The following FAM131A variants were observed in gnomAD, a reference collection of about 807,000 sequenced individuals.
FAM131A encodes the protein family with sequence similarity 131 member A, also known as protein FAM131A.
In FAM131A, 24 loss-of-function variants were observed where a neutral mutation model predicts 39.2. That is an observed-to-expected ratio of 0.61 (90% CI 0.44 to 0.86). The LOEUF (loss-of-function observed/expected upper bound fraction) is 0.86, where lower values mean the gene tolerates loss of function less well. Ranked by LOEUF, FAM131A falls within the 40% of genes least tolerant of loss-of-function variation. The probability of loss-of-function intolerance (pLI) is 0.00; values close to 1 mark genes in which losing one functional copy is unlikely to be tolerated. For synonymous variants in FAM131A, 202 were observed against 206.8 expected (o/e 0.98, Z 0.20); for missense variants, 373 against 481.2 (o/e 0.78, Z 2.10).
In FAM131A at chr3:184,344,745, C is replaced by T. The variant is rs757975379; in HGVS notation, c.876C>T (p.Ala292=). The T allele has an allele frequency of 1.2e-6, 2 of 1,612,354 alleles. No individual in the cohort carries two copies. Among genetic ancestry groups the T allele is most frequent in the Non-Finnish European group, 1.7e-6 (2 of 1,179,980 alleles). Residue 292 remains alanine (A), a synonymous_variant, in exon 6 of 6, where the codon GCC becomes GCT. Coordinates refer to ENST00000383847, the MANE Select transcript of FAM131A (RefSeq NM_144635.5). The part of the protein sequence containing the change: ...LAKLPPSRES[A]FRSLGPLEAQ... ...AACTGCCCCCCAGCCGGGAAAGTGC[C>T]TTCCGCAGCCTGGGCCCACTGGAGG...
rs1338929012 is a variant in FAM131A, at chr3:184,342,799, G to A, written c.564G>A (p.Val188=). 2.5e-6 allele frequency: 4 copies of A among 1,613,924 alleles called. No homozygotes were observed. The highest frequency in any genetic ancestry group is 3.4e-6 in the Non-Finnish European group (4 of 1,179,952). Residue 188 remains valine, a synonymous_variant, in exon 5 of 6, where the codon GTG becomes GTA. Coordinates refer to ENST00000383847, the MANE Select transcript of FAM131A (RefSeq NM_144635.5). This position sits in a 1 kb window ranked among gnomAD's most constrained non-coding sequence, Gnocchi z 4.6. ...AEAKLRAWSS[V]DGEDSTDDSY... is the part of the protein sequence containing the mutation. Reference sequence around the variant, plus strand: ...CCAAGCTCCGAGCATGGTCTTCGGTGGATGGCGAGGACTCCACTGATGACT... The same window carrying A: ...CCAAGCTCCGAGCATGGTCTTCGGTAGATGGCGAGGACTCCACTGATGACT...
Position 184,342,782 on chromosome 3 carries a change from C to A in FAM131A, c.547C>A (p.Arg183=), listed in dbSNP as rs1409771321. The change falls in exon 5 of 6, where the codon CGA becomes AGA. Residue 183 remains arginine (R), a synonymous_variant. Transcript: ENST00000383847. The surrounding 1 kb of genome is among the most constrained non-coding windows in gnomAD (Gnocchi z 4.6). The part of the protein sequence containing the change: ...EQFAIAEAKL[R]AWSSVDGEDS... ...GTTTGCCATCGCGGAAGCCAAGCTC[C>A]GAGCATGGTCTTCGGTGGATGGCGA... 1 of 1,613,834 alleles carries A rather than the reference C, an allele frequency of 6.2e-7. No individual in the cohort carries two copies. Among genetic ancestry groups the A allele is most frequent in the Admixed American group, 1.7e-5 (1 of 60,026 alleles).
Position 184,345,437 on chromosome 3 carries a change from TGGAGG to T in FAM131A, c.*470_*474del. The T allele has an allele frequency of 1.5e-6, 1 of 682,132 alleles. No homozygotes were observed. 42.3% of individuals were successfully genotyped at this position (682,132 alleles called of 1,614,324 possible). On this transcript the variant is annotated 3_prime_UTR_variant, in exon 6 of 6. Transcript: ENST00000383847. ...AGTGCTTGATAGAATCACCCCCACCTGGAGGGGCTGGCTCCTGCCCTCCCGGAGCC... is the reference window on the plus strand; with the variant it reads ...AGTGCTTGATAGAATCACCCCCACCTGGCTGGCTCCTGCCCTCCCGGAGCC...
chr3:184,338,614 G>C (rs1727225170), intron 2 of FAM131A, 85 bp downstream of exon 2: 1 of 1,484,848 alleles, frequency 6.7e-7, no homozygotes, highest in Non-Finnish European at 8.9e-7. Flanking sequence ...TGGCCAGCCA[G>C]CTTCTGGCTC....
Position 184,344,777 on chromosome 3 carries a change from A to G in FAM131A, c.908A>G (p.Asp303Gly), listed in dbSNP as rs1448984168. 3 of 1,612,222 alleles carry G rather than the reference A, an allele frequency of 1.9e-6. No individual in the cohort carries two copies. The highest frequency in any genetic ancestry group is 2.5e-6 in the Non-Finnish European group (3 of 1,179,906). The change falls in exon 6 of 6, where the codon GAC becomes GGC. Residue 303 changes from aspartate to glycine, a missense_variant. Asp to Gly is a moderately conservative substitution (Grantham distance 94). Coordinates refer to ENST00000383847, the MANE Select transcript of FAM131A (RefSeq NM_144635.5). ...FRSLGPLEAQ[D>G]SLYNSPLTES... ...AGCCTGGGCCCACTGGAGGCCCAGG[A>G]CTCACTCTACAACTCGCCCCTCACA...
chr3:184,338,502 C>T lies in FAM131A; in HGVS notation c.204C>T (p.Ser68=), dbSNP rs548260057. Residue 68 remains serine, a synonymous_variant, in exon 2 of 6, where the codon TCC becomes TCT. Coordinates refer to ENST00000383847, the MANE Select transcript of FAM131A (RefSeq NM_144635.5). Reference sequence around the variant, plus strand: ...GCTGGAGCAGGTCCTCCCGCCCTTCCTCGGTGGACAGTCAGGACTTGCCAG... The same window carrying T: ...GCTGGAGCAGGTCCTCCCGCCCTTCTTCGGTGGACAGTCAGGACTTGCCAG... ...LRGWSRSSRP[S]SVDSQDLPEV... The T allele has an allele frequency of 1.3e-6, 2 of 1,536,462 alleles. No individual in the cohort carries two copies. The highest frequency in any genetic ancestry group is 2.5e-5 in the East Asian group (1 of 40,770).
At chr3:184,338,684 G>T in intron 2 of FAM131A, 155 bp downstream of exon 2, 1 of 944,404 alleles carries the variant, frequency 1.1e-6, no homozygotes, top group Non-Finnish European at 1.5e-6. Flanking sequence ...CCCCGTGCCG[G>T]TCTGCTCTGC....
At chr3:184,337,862 C>T in intron 1 of FAM131A, 144 bp downstream of exon 1, 1 of 745,658 alleles carries the variant, frequency 1.3e-6, no homozygotes, top group East Asian at 2.7e-5. Flanking sequence ...CCAGACAGGG[C>T]ATCAGGAAAC....
In FAM131A at chr3:184,338,499, T is replaced by C. The variant is rs751386185; in HGVS notation, c.201T>C (p.Pro67=). The C allele has an allele frequency of 6.5e-6, 10 of 1,536,064 alleles. No individual in the cohort carries two copies. The highest frequency in any genetic ancestry group is 1.4e-5 in the African/African-American group (1 of 72,906). ...TLRGWSRSSR[P]SSVDSQDLPE... ...GAGGCTGGAGCAGGTCCTCCCGCCC[T>C]TCCTCGGTGGACAGTCAGGACTTGC... is the stretch of plus-strand genomic sequence containing the variant. Residue 67 remains proline (P), a synonymous_variant, in exon 2 of 6, where the codon CCT becomes CCC. Coordinates refer to ENST00000383847, the MANE Select transcript of FAM131A (RefSeq NM_144635.5).
chr3:184,345,131 G>T lies in FAM131A; in HGVS notation c.*161G>T. On this transcript the variant is annotated 3_prime_UTR_variant, in exon 6 of 6. Coordinates refer to ENST00000383847, the MANE Select transcript of FAM131A (RefSeq NM_144635.5). ...TGTGTGTTTTGCATGAAAGTGTTTG[G>T]AGAGGAGGCAGGGGCTGGGCTGGGG... 1 of 760,982 alleles carries T rather than the reference G, an allele frequency of 1.3e-6. No individual in the cohort carries two copies. The allele number at this position is 760,982 out of a possible 1,614,324, so 47.1% of individuals were successfully genotyped here.
In FAM131A at chr3:184,345,644, C is replaced by T. The variant is rs200433845; in HGVS notation, c.*674C>T. On this transcript the variant is annotated 3_prime_UTR_variant, in exon 6 of 6. Transcript: ENST00000383847. ...GGCTTTGGAATGATGAAAGCATGTA[C>T]CCTCCACCCTTTTCCTGGCCCCCTA... 280 of 691,374 alleles carry T rather than the reference C, an allele frequency of 4.0e-4. No homozygotes were observed. The highest frequency in any genetic ancestry group is 6.0e-4 in the Non-Finnish European group (228 of 380,508). The allele number at this position is 691,374 out of a possible 1,614,324, so 42.8% of individuals were successfully genotyped here.
At position 184,338,440 on chromosome 3, in the gene FAM131A, T is replaced by C. The variant is rs1362020545; in HGVS notation, c.142T>C (p.Ser48Pro). The C allele has an allele frequency of 6.6e-7, 1 of 1,517,510 alleles. No homozygotes were observed. Among genetic ancestry groups the C allele is most frequent in the Non-Finnish European group, 8.8e-7 (1 of 1,138,672 alleles). The allele number at this position is 1,517,510 out of a possible 1,614,324, so 94.0% of individuals were successfully genotyped here. Residue 48 changes from serine to proline, a missense_variant, in exon 2 of 6, where the codon TCT becomes CCT. Transcript: ENST00000383847. Reference protein sequence around the residue: ...VEWIELPRGLSLSSLGSARTL... With the variant: ...VEWIELPRGLPLSSLGSARTL... ...GTGGATCGAACTTCCTCGGGGTCTCTCTCTATCCTCTTTGGGATCTGCTCG... is the reference window on the plus strand; with the variant it reads ...GTGGATCGAACTTCCTCGGGGTCTCCCTCTATCCTCTTTGGGATCTGCTCG...
Position 184,345,808 on chromosome 3 carries a change from G to A in FAM131A, c.*838G>A, listed in dbSNP as rs973862830. 8.9e-6 allele frequency: 5 copies of A among 561,572 alleles called. No individual in the cohort carries two copies. Among genetic ancestry groups the A allele is most frequent in the Non-Finnish European group, 9.4e-6 (3 of 320,114 alleles). The allele number at this position is 561,572 out of a possible 1,614,324, so 34.8% of individuals were successfully genotyped here. ...AAAGGATGGCTCTGGTTGCCACAGA[G>A]CTGGGACTTCATGTTCTTCTAGAGA... On this transcript the variant is annotated 3_prime_UTR_variant, in exon 6 of 6. Transcript: ENST00000383847.
chr3:184,341,927 C>G, intron 3 of FAM131A, 110 bp downstream of exon 3: 3 of 1,502,248 alleles, frequency 2.0e-6, no homozygotes, highest in Non-Finnish European at 2.8e-6. Context: ...CCTTTCTTCC[C>G]TTGCTCAGGT....
chr3:184,338,554 G>A (rs1398936513), intron 2 of FAM131A, 25 bp downstream of exon 2: 1 of 1,534,798 alleles, frequency 6.5e-7, no homozygotes, highest in South Asian at 1.2e-5. Flanking sequence ...GTGGTGGGGG[G>A]AAGGAGGACG....
intron 2 of FAM131A, chr3:184,340,861 A>AG (rs1405157757): frequency 6.6e-6 from 1 of 152,298 alleles, no homozygotes; most frequent in Non-Finnish European, 1.5e-5. Flanking sequence ...GACTACCAAG[A>AG]GGGGGGCCAG....
Position 184,342,723 on chromosome 3 carries a change from T to A in FAM131A, c.509-21T>A. The A allele has an allele frequency of 6.2e-7, 1 of 1,604,006 alleles. No homozygotes were observed. Among genetic ancestry groups the A allele is most frequent in the Non-Finnish European group, 8.5e-7 (1 of 1,171,822 alleles). ...AGACTTAGCTCACCTTCTCTGCTTA[T>A]GCATTCTGTCCCTGCGACAGGAGTG... On this transcript the variant is annotated intron_variant, in intron 4 of 5. Transcript: ENST00000383847. The surrounding 1 kb of genome is among the most constrained non-coding windows in gnomAD (Gnocchi z 4.6).
intron 2 of FAM131A, chr3:184,340,863 G>C (rs150193018): frequency 1.3e-5 from 2 of 152,350 alleles, no homozygotes; most frequent in Non-Finnish European, 2.9e-5. Flanking sequence ...CTACCAAGAG[G>C]GGGGCCAGGA....
Position 184,344,666 on chromosome 3 carries a change from G to A in FAM131A, c.797G>A (p.Gly266Asp). The A allele has an allele frequency of 6.2e-7, 1 of 1,612,536 alleles. No individual in the cohort carries two copies. Among genetic ancestry groups the A allele is most frequent in the East Asian group, 2.2e-5 (1 of 44,854 alleles). The stretch of plus-strand genomic sequence containing the variant: ...TGCAGCCTGGAGGATGGGTTGTTGG[G>A]CTCCCCGGCCCGGCTGGCCTCCCAG... ...SLCSLEDGLLGSPARLASQLL... is the reference protein window; with the variant it reads ...SLCSLEDGLLDSPARLASQLL... The change falls in exon 6 of 6, where the codon GGC becomes GAC. Residue 266 changes from glycine (G) to aspartate (D), a missense_variant. Physicochemically the swap from Gly to Asp is moderately conservative, Grantham distance 94. Transcript: ENST00000383847.
Sources: gnomAD v4.1 joint callset for allele counts on GRCh38, gnomAD v4.1.1 for gene constraint, Gnocchi (gnomAD v3.1) non-coding constraint, MANE v1.5 for transcripts, NCBI Gene and HGNC (gene_info 2026-07-23, HGNC 2026-07-21) for gene names.